The following TTC23 variants were observed in gnomAD, a reference collection of about 807,000 sequenced individuals.
TTC23 encodes the protein tetratricopeptide repeat domain 23.
Under a neutral mutation model 55.1 loss-of-function variants are expected in TTC23, and 58 were observed. That is an observed-to-expected ratio of 1.05 (90% CI 0.85 to 1.31). The LOEUF is 1.31. Among genes scored for constraint, TTC23 ranks in the 50% most tolerant of loss-of-function variants. TTC23 has a pLI of 0.00. For missense variants in TTC23, 516 were observed against 534.4 expected (o/e 0.97, Z 0.34); for synonymous variants, 203 against 199.9 (o/e 1.02, Z -0.13).
intron 4 of TTC23, among the ~76,000 whole-genome samples, chr15:99,230,412 C>T (rs1029693969): frequency 6.6e-6 from 1 of 151,894 alleles, no homozygotes; most frequent in Admixed American, 6.6e-5. Flanking sequence ...GAAAAGCAGA[C>T]TAGAGGAGGG....
At chr15:99,200,990 C>T (rs968719806) in intron 8 of TTC23, among the ~76,000 whole-genome samples, 3 of 152,194 alleles carry the variant, frequency 2.0e-5, no homozygotes, top group Non-Finnish European at 4.4e-5. Context: ...TGTATATCAT[C>T]TCAGGCATGT....
chr15:99,194,938 C>T (rs995023379), intron 9 of TTC23, among the ~76,000 whole-genome samples: 1 of 152,050 alleles, frequency 6.6e-6, no homozygotes, highest in Non-Finnish European at 1.5e-5. Flanking sequence ...CATCTCAAAA[C>T]CAAAACAAAA....
At chr15:99,162,820 T>C (rs2071551932) in intron 10 of TTC23, among the ~76,000 whole-genome samples, 1 of 152,040 alleles carries the variant, frequency 6.6e-6, no homozygotes, top group Admixed American at 6.6e-5. Context: ...TGGCTCACAC[T>C]TGTAATCCCA....
intron 1 of TTC23, among the ~76,000 whole-genome samples, chr15:99,248,939 C>T (rs756205785): frequency 6.6e-6 from 1 of 152,006 alleles, no homozygotes; most frequent in Non-Finnish European, 1.5e-5. Context: ...AATCCCTAAT[C>T]CACAAATATA....
intron 12 of TTC23, among the ~76,000 whole-genome samples, chr15:99,150,674 A>G (rs1183600704): frequency 6.6e-6 from 1 of 152,248 alleles, no homozygotes; most frequent in African/African-American, 2.4e-5. Context: ...AGTGTTCCCT[A>G]TCATCAAATG....
intron 12 of TTC23, chr15:99,151,481 G>A (rs1279073798): frequency 1.3e-5 from 2 of 152,358 alleles, no homozygotes; most frequent in Non-Finnish European, 2.9e-5. Context: ...CATGAGAGAT[G>A]AGGAAGATGT....
At chr15:99,238,844 G>A (rs2079535314) in intron 3 of TTC23, among the ~76,000 whole-genome samples, 2 of 152,144 alleles carry the variant, frequency 1.3e-5, no homozygotes, top group African/African-American at 4.8e-5. Context: ...AATACCTTGT[G>A]AATATCCCAG....
intron 9 of TTC23, among the ~76,000 whole-genome samples, chr15:99,189,043 AT>A (rs34116482): frequency 0.16 from 24,362 of 152,088 alleles, 2,187 homozygotes; most frequent in African/African-American, 0.22. Context: ...CAATAAAAAA[AT>A]AATTTCAAAA....
At position 99,199,945 on chromosome 15, in the gene TTC23, C is replaced by A. The variant is rs552532802; in HGVS notation, c.733G>T (p.Asp245Tyr). 6.2e-7 allele frequency: 1 copy of A among 1,612,364 alleles called. No homozygotes were observed. Among genetic ancestry groups the A allele is most frequent in the South Asian group, 1.1e-5 (1 of 90,652 alleles). ...AGVEQALGLH[D>Y]VSINHFLQAH... ...TGGAGGAAGTGGTTGATGGATACAT[C>A]GTGGAGTCCCAGGGCTTGCTCTACA... The change falls in exon 9 of 14, where the codon GAT (aspartate) becomes TAT (tyrosine). Residue 245 changes from aspartate (D) to tyrosine (Y), a missense_variant. Transcript: ENST00000394132.
At chr15:99,143,504 C>T (rs781855879) in intron 12 of TTC23, among the ~76,000 whole-genome samples, 5 of 152,182 alleles carry the variant, frequency 3.3e-5, no homozygotes, top group Non-Finnish European at 5.9e-5. Flanking sequence ...ATTCTGTGCT[C>T]CCCAGATTCT....
intron 11 of TTC23, among the ~76,000 whole-genome samples, 194 bp from the exon 12 acceptor site, chr15:99,156,491 T>C (rs1308393552): frequency 1.3e-5 from 2 of 152,332 alleles, no homozygotes; most frequent in Non-Finnish European, 2.9e-5. Context: ...AGAAGTTTAA[T>C]TGACTCACAG....
At chr15:99,178,072 C>T (rs935726742) in intron 9 of TTC23, among the ~76,000 whole-genome samples, 5 of 152,108 alleles carry the variant, frequency 3.3e-5, no homozygotes, top group African/African-American at 9.7e-5. Context: ...GTCCCAGCTA[C>T]GCAGGACGCT....
At chr15:99,250,693 T>A (rs893825022), upstream of TTC23, among the ~76,000 whole-genome samples, 4 of 152,240 alleles carry the variant, frequency 2.6e-5, no homozygotes, top group African/African-American at 9.6e-5. Flanking sequence ...AAATACATAT[T>A]GACGGCCTAC....
At chr15:99,178,926 T>A (rs890451237) in intron 9 of TTC23, among the ~76,000 whole-genome samples, 8 of 152,100 alleles carry the variant, frequency 5.3e-5, no homozygotes, top group Non-Finnish European at 1.0e-4. Context: ...GCGGTGGGTT[T>A]CAGTAGAGAC....
chr15:99,204,602 T>C (rs1457920949), intron 8 of TTC23, among the ~76,000 whole-genome samples: 1 of 148,714 alleles, frequency 6.7e-6, no homozygotes, highest in Non-Finnish European at 1.5e-5. Flanking sequence ...TTTCTTCCAG[T>C]AGTTTCAGAG....
chr15:99,169,904 C>A (rs1236602818), intron 10 of TTC23, among the ~76,000 whole-genome samples: 1 of 152,196 alleles, frequency 6.6e-6, no homozygotes, highest in Non-Finnish European at 1.5e-5. Context: ...CAGAACTCCC[C>A]GGCCTGCAAG....
At chr15:99,241,686 C>G (rs942360972) in intron 2 of TTC23, 127 bp from the exon 3 acceptor site, 2 of 152,300 alleles carry the variant, frequency 1.3e-5, no homozygotes, top group African/African-American at 2.4e-5. Context: ...AGCAGGAGGG[C>G]CAACCAATCT....
intron 9 of TTC23, among the ~76,000 whole-genome samples, chr15:99,178,122 C>A (rs978549063): frequency 6.6e-6 from 1 of 152,156 alleles, no homozygotes; most frequent in Non-Finnish European, 1.5e-5. Context: ...ATCAAGACTG[C>A]AGTGAGCCGT....
chr15:99,197,119 T>C (rs1179165242), intron 9 of TTC23, among the ~76,000 whole-genome samples: 1 of 151,862 alleles, frequency 6.6e-6, no homozygotes, highest in African/African-American at 2.4e-5. Flanking sequence ...TTTTTTTTTT[T>C]TGAGACGGAG....
Sources: allele counts gnomAD v4.1 joint callset (sites outside exome capture counted in the v4.1 genomes callset), GRCh38; gene constraint gnomAD v4.1.1; transcripts MANE v1.5; gene names NCBI Gene and HGNC (gene_info 2026-07-23, HGNC 2026-07-21).